FLYWCH1: variants seen among roughly 807,000 people sequenced by gnomAD.
FLYWCH1 encodes the protein FLYWCH-type zinc finger-containing protein 1.
FLYWCH1 carries 75 observed loss-of-function variants against 66.4 expected under a neutral mutation model. That is an observed-to-expected ratio of 1.13 (90% CI 0.94 to 1.37). The LOEUF is 1.37. Among genes scored for constraint, FLYWCH1 ranks in the 40% most tolerant of loss-of-function variants. The pLI, the probability that FLYWCH1 is intolerant of heterozygous loss-of-function variation, is 0.00. For synonymous variants in FLYWCH1, 595 were observed against 429.9 expected (o/e 1.38, Z -4.75); for missense variants, 1,334 against 1,001.8 (o/e 1.33, Z -4.48).
At chr16:2,925,574 C>CGGG (rs1367590910) in intron 2 of FLYWCH1, among the ~76,000 whole-genome samples, 61 of 16,788 alleles carry the variant, frequency 3.6e-3, no homozygotes, top group East Asian at 0.015. Context: ...GGGGGAGTTG[C>CGGG]GGGGGGAGGG....
chr16:2,930,826 C>T lies in FLYWCH1; in HGVS notation c.742C>T (p.Arg248Ter), dbSNP rs202153698. The T allele has an allele frequency of 8.1e-6, 13 of 1,602,754 alleles. No homozygotes were observed. Among genetic ancestry groups the T allele is most frequent in the Admixed American group, 5.1e-5 (3 of 59,354 alleles). ...KPALEEEEAP[R>*]ALSLLSLPPK... is the part of the protein sequence containing the mutation. ...GGCCCTGGAGGAGGAGGAGGCACCC[C>T]GAGCCCTGTCACTGCTGAGCCTGCC... Residue 248 changes from arginine to a stop codon, truncating the protein, a stop_gained, in exon 4 of 10, where the codon CGA becomes TGA. Coordinates refer to ENST00000253928, the MANE Select transcript of FLYWCH1 (RefSeq NM_001308068.2). LOFTEE classifies it high-confidence loss of function.
At chr16:2,944,552 T>C (rs1324783886) in intron 9 of FLYWCH1, among the ~76,000 whole-genome samples, 2 of 151,820 alleles carry the variant, frequency 1.3e-5, no homozygotes, top group Non-Finnish European at 2.9e-5. Flanking sequence ...AGCCACAGCA[T>C]TGGCTCACAC....
chr16:2,921,337 C>T (rs1280562158), intron 2 of FLYWCH1, among the ~76,000 whole-genome samples: 1 of 133,142 alleles, frequency 7.5e-6, no homozygotes, highest in Non-Finnish European at 1.6e-5. Flanking sequence ...GTATCACCAC[C>T]ATCAATTTTA....
chr16:2,948,423 C>A (rs1447309493), intron 9 of FLYWCH1, among the ~76,000 whole-genome samples: 1 of 151,390 alleles, frequency 6.6e-6, no homozygotes, highest in African/African-American at 2.4e-5. Context: ...ATTAGCTGAG[C>A]ATGATGGCAT....
At chr16:2,919,407 A>T (rs1016192735) in intron 2 of FLYWCH1, among the ~76,000 whole-genome samples, 3 of 151,906 alleles carry the variant, frequency 2.0e-5, no homozygotes, top group Non-Finnish European at 4.4e-5. Flanking sequence ...TTGGGATTAC[A>T]GGCATGCGCC....
Position 2,930,498 on chromosome 16 carries a change from A to G in FLYWCH1, c.414A>G (p.Ala138=). The G allele has an allele frequency of 6.5e-7, 1 of 1,533,732 alleles. No homozygotes were observed. The highest frequency in any genetic ancestry group is 8.7e-7 in the Non-Finnish European group (1 of 1,145,082). ...CCTTCCTGTACAAGCAGGAGAAGGC[A>G]GTGGGGGACAAGGTGTACTGGAAGT... ...LESFLYKQEK[A]VGDKVYWKCR... is the part of the protein sequence containing the mutation. Residue 138 remains alanine, a synonymous_variant, in exon 4 of 10, where the codon GCA becomes GCG. Transcript: ENST00000253928.
chr16:2,925,939 TGTGAGGTGGGG>T (rs2070551822), intron 2 of FLYWCH1, among the ~76,000 whole-genome samples: 1 of 152,170 alleles, frequency 6.6e-6, no homozygotes, highest in East Asian at 1.9e-4. Flanking sequence ...AGCTGCAGCA[TGTGAGGTGGGG>T]GTGAGGACGC....
intron 2 of FLYWCH1, among the ~76,000 whole-genome samples, chr16:2,920,781 T>C (rs2070343176): frequency 6.6e-6 from 1 of 150,864 alleles, no homozygotes; most frequent in Admixed American, 6.6e-5. Context: ...CCTCAGGTGA[T>C]CTGCCCACCT....
rs755641940 is a variant in FLYWCH1 at position 2,938,312 on chromosome 16, C to G, written c.1906C>G (p.Arg636Gly). The change falls in exon 8 of 10, where the codon CGG becomes GGG. Residue 636 changes from arginine to glycine, a missense_variant. By Grantham distance (125) the Arg-to-Gly change is moderately radical. Transcript: ENST00000253928. The stretch of plus-strand genomic sequence containing the variant: ...GTACTGGATGTGCCGGGACCAGGCT[C>G]GGCTGGGCTGCCGCAGCCGCGCCAT... ...KVYWMCRDQA[R>G]LGCRSRAITQ... is the part of the protein sequence containing the mutation. The G allele has an allele frequency of 2.5e-6, 4 of 1,608,966 alleles. No individual in the cohort carries two copies. The highest frequency in any genetic ancestry group is 1.7e-4 in the Middle Eastern group (1 of 6,036).
chr16:2,920,459 A>T (rs1303146571), intron 2 of FLYWCH1, among the ~76,000 whole-genome samples: 1 of 151,308 alleles, frequency 6.6e-6, no homozygotes, highest in Admixed American at 6.6e-5. Flanking sequence ...GGTTGCAGTG[A>T]GCTAAGATTA....
At chr16:2,947,792 G>T (rs1406517175) in intron 9 of FLYWCH1, among the ~76,000 whole-genome samples, 1 of 149,282 alleles carries the variant, frequency 6.7e-6, no homozygotes, top group African/African-American at 2.5e-5. Context: ...ATCCCTTACA[G>T]TACTAAAACA....
chr16:2,918,460 G>A (rs2070252154), intron 2 of FLYWCH1, among the ~76,000 whole-genome samples: 1 of 129,570 alleles, frequency 7.7e-6, no homozygotes, highest in African/African-American at 3.0e-5. Flanking sequence ...TTTTTTTTGA[G>A]AGGGAGTTTT....
intron 2 of FLYWCH1, among the ~76,000 whole-genome samples, chr16:2,927,101 G>T (rs1301839111): frequency 6.6e-6 from 1 of 152,192 alleles, no homozygotes; most frequent in Non-Finnish European, 1.5e-5. Context: ...GACCTCAAGT[G>T]GTGTGTGCCA....
At chr16:2,913,852 G>T (rs901761545) in intron 1 of FLYWCH1, among the ~76,000 whole-genome samples, 1 of 116,052 alleles carries the variant, frequency 8.6e-6, no homozygotes, top group Non-Finnish European at 1.9e-5. Context: ...AGTCATCCAG[G>T]AGCTTTAAAA....
At chr16:2,945,485 CAAAAA>C (rs60942194) in intron 9 of FLYWCH1, among the ~76,000 whole-genome samples, 4 of 87,920 alleles carry the variant, frequency 4.5e-5, no homozygotes, top group Non-Finnish European at 6.7e-5. Context: ...GACTCCATCT[CAAAAA>C]AAAAAAAAAA....
intron 2 of FLYWCH1, among the ~76,000 whole-genome samples, chr16:2,920,700 C>T (rs1253743996): frequency 6.6e-6 from 1 of 151,828 alleles, no homozygotes; most frequent in East Asian, 1.9e-4. Flanking sequence ...TGCCACCATG[C>T]CTGGCTATTT....
chr16:2,918,369 G>A (rs916998309), intron 2 of FLYWCH1, among the ~76,000 whole-genome samples: 4 of 151,628 alleles, frequency 2.6e-5, no homozygotes, highest in South Asian at 4.2e-4. Flanking sequence ...GGATGGTCTC[G>A]ATCTCCTGAC....
At position 2,933,323 on chromosome 16, in the gene FLYWCH1, C is replaced by T; in HGVS notation, c.990C>T (p.Cys330=). 2 of 1,609,896 alleles carry T rather than the reference C, an allele frequency of 1.2e-6. No homozygotes were observed. The highest frequency in any genetic ancestry group is 8.5e-7 in the Non-Finnish European group (1 of 1,178,600). ...GQRVTVMRGH[C]HQPDMEGLEA... is the part of the protein sequence containing the mutation. ...GGGTGACTGTGATGCGTGGGCACTG[C>T]CACCAGCCCGATATGGAGGGCCTGG... Residue 330 remains cysteine, a synonymous_variant, in exon 5 of 10, where the codon TGC becomes TGT. Coordinates refer to ENST00000253928, the MANE Select transcript of FLYWCH1 (RefSeq NM_001308068.2).
At chr16:2,936,755 C>G (rs1427423795) in intron 6 of FLYWCH1, 1 of 490,638 alleles carries the variant, frequency 2.0e-6, no homozygotes, top group South Asian at 1.5e-5. Flanking sequence ...AGCTTTGTCC[C>G]CAGAGGGCCC....
Sources: allele counts gnomAD v4.1 joint callset (sites outside exome capture counted in the v4.1 genomes callset), GRCh38; gene constraint gnomAD v4.1.1; transcripts MANE v1.5; gene names NCBI Gene and HGNC (gene_info 2026-07-23, HGNC 2026-07-21).